Variants in ENOX2 observed in about 807,000 individuals in gnomAD.
ENOX2 encodes the protein ecto-NOX disulfide-thiol exchanger 2.
ENOX2 carries 36 observed loss-of-function variants against 45.0 expected under a neutral mutation model. That is an observed-to-expected ratio of 0.80 (90% confidence interval 0.61 to 1.06). The LOEUF (loss-of-function observed/expected upper bound fraction) is 1.06. Ranked by LOEUF, ENOX2 falls within the 50% of genes least tolerant of loss-of-function variation. The pLI is 0.00. For missense variants in ENOX2, 423 were observed against 462.5 expected (o/e 0.91, Z 0.78); for synonymous variants, 174 against 152.3 (o/e 1.14, Z -1.05).
At chrX:130,690,113 T>C (rs1202066391) in intron 4 of ENOX2, among the ~76,000 whole-genome samples, 1 of 111,113 alleles carries the variant, frequency 9.0e-6, no homozygotes, top group Non-Finnish European at 1.9e-5. Context: ...TACACATGTG[T>C]CCTGTTTAAG....
intron 2 of ENOX2, among the ~76,000 whole-genome samples, chrX:130,850,374 T>C (rs1205620249): frequency 8.9e-6 from 1 of 111,819 alleles, no homozygotes; most frequent in East Asian, 2.8e-4. Flanking sequence ...AATGAATTTA[T>C]GGATGGATGG....
Position 130,851,926 on chromosome X carries a change from CA to C in ENOX2, c.-183+49757del, listed in dbSNP as rs1326825043. On this transcript the variant is annotated intron_variant, in intron 2 of 14. Coordinates refer to ENST00000394363, the MANE Select transcript of ENOX2 (RefSeq NM_006375.4). ...TTTTAATGCACCTGGGGCAGCTGGCCAAACTGTCATTTGCTTCTATCATCTA... is the reference window on the plus strand; with the variant it reads ...TTTTAATGCACCTGGGGCAGCTGGCCAACTGTCATTTGCTTCTATCATCTA... Among the ~76,000 whole-genome samples the C allele has an allele frequency of 2.7e-5, 3 of 111,973 alleles. No individual in the cohort carries two copies. The Admixed American group carries it at 2.8e-4, about 11-fold the overall frequency.
At position 130,831,537 on chromosome X, in the gene ENOX2, C is replaced by G. The variant is rs146225139; in HGVS notation, c.-182-47847G>C. 8.9e-3 allele frequency among the ~76,000 whole-genome samples: 993 copies of G among 111,193 alleles called. 12 individuals carry two copies. Among genetic ancestry groups the G allele is most frequent in the African/African-American group, 0.031 (934 of 30,551 alleles). ...TCCCTGTGTTCCCGCAATACAACCA[C>G]TCATCTCTTGCCTCAGAGACCTGTG... On this transcript the variant is annotated intron_variant, in intron 2 of 14. Transcript: ENST00000394363.
chrX:130,753,366 TTGTC>T (rs1413090512), intron 3 of ENOX2, among the ~76,000 whole-genome samples: 2 of 111,197 alleles, frequency 1.8e-5, no homozygotes, highest in Non-Finnish European at 3.8e-5. Flanking sequence ...CTGCTTCTCT[TTGTC>T]TGTCCATCTC....
chrX:130,631,507 T>A lies in ENOX2; in HGVS notation c.1489A>T (p.Ser497Cys), dbSNP rs2035717588. ...TCACGTTCAGATTTGATAGGACTGC[T>A]GTTCATGGTCTTCTCAAGAGGGTAT... ...SEYPLEKTMN[S>C]SPIKSEREAL... The change falls in exon 13 of 15, where the codon AGC (serine) becomes TGC (cysteine). Residue 497 changes from serine (S) to cysteine (C), a missense_variant. Transcript: ENST00000394363. 1 of 1,204,904 alleles carries A rather than the reference T, an allele frequency of 8.3e-7. No individual in the cohort carries two copies. Among genetic ancestry groups the A allele is most frequent in the Non-Finnish European group, 1.1e-6 (1 of 889,171 alleles).
At chrX:130,779,375 G>A (rs2039924370) in intron 3 of ENOX2, among the ~76,000 whole-genome samples, 2 of 112,371 alleles carry the variant, frequency 1.8e-5, no homozygotes, top group South Asian at 7.3e-4. Flanking sequence ...TGGCAGTAAT[G>A]TCTAATCCTG....
At chrX:130,716,858 C>A (rs757578523) in intron 3 of ENOX2, among the ~76,000 whole-genome samples, 4 of 112,299 alleles carry the variant, frequency 3.6e-5, no homozygotes, top group South Asian at 3.7e-4. Flanking sequence ...TTCTTTTATC[C>A]ATTTCTGCTG....
intron 3 of ENOX2, among the ~76,000 whole-genome samples, chrX:130,734,797 A>G (rs1212442483): frequency 1.8e-5 from 2 of 112,266 alleles, no homozygotes; most frequent in Admixed American, 1.9e-4. Context: ...AGATACAATC[A>G]TCTTTCTTGC....
chrX:130,870,226 G>A (rs2078553011), intron 2 of ENOX2, among the ~76,000 whole-genome samples: 1 of 111,310 alleles, frequency 9.0e-6, no homozygotes, highest in Non-Finnish European at 1.9e-5. Flanking sequence ...AATTGGAACT[G>A]TCAAAATCAA....
chrX:130,746,304 T>A (rs1009745481), intron 3 of ENOX2, among the ~76,000 whole-genome samples: 10 of 112,109 alleles, frequency 8.9e-5, no homozygotes, highest in African/African-American at 3.2e-4. Context: ...TTCAGTCACG[T>A]CTGCTGTCTG....
chrX:130,878,837 T>C (rs2078753702), intron 2 of ENOX2, among the ~76,000 whole-genome samples: 1 of 112,550 alleles, frequency 8.9e-6, no homozygotes, highest in African/African-American at 3.2e-5. Flanking sequence ...CACTTGTAGA[T>C]GTATAAAAGC....
intron 2 of ENOX2, among the ~76,000 whole-genome samples, chrX:130,813,145 T>C (rs935512728): frequency 1.8e-5 from 2 of 112,073 alleles, no homozygotes; most frequent in African/African-American, 6.5e-5. Context: ...CCAAGCATTT[T>C]AGATAAGGGA....
At chrX:130,745,001 T>C (rs1378302800) in intron 3 of ENOX2, among the ~76,000 whole-genome samples, 1 of 111,552 alleles carries the variant, frequency 9.0e-6, no homozygotes, top group Non-Finnish European at 1.9e-5. Context: ...TGCCTGATGA[T>C]CTGAGGTGGA....
chrX:130,735,112 A>G (rs2038828450), intron 3 of ENOX2, among the ~76,000 whole-genome samples: 1 of 112,361 alleles, frequency 8.9e-6, no homozygotes, highest in Non-Finnish European at 1.9e-5. Flanking sequence ...AATGCTCCAG[A>G]GGCATGGAGG....
intron 2 of ENOX2, among the ~76,000 whole-genome samples, chrX:130,805,869 G>C (rs1376177771): frequency 8.9e-6 from 1 of 111,953 alleles, no homozygotes; most frequent in Non-Finnish European, 1.9e-5. Context: ...CAGCTGAAGA[G>C]GATGAGAGGA....
At chrX:130,704,992 T>C (rs993786549) in intron 3 of ENOX2, among the ~76,000 whole-genome samples, 2 of 112,586 alleles carry the variant, frequency 1.8e-5, no homozygotes, top group African/African-American at 6.4e-5. Flanking sequence ...AAATATGGGA[T>C]GCTGAATATC....
At chrX:130,665,067 T>G (rs2036795557) in intron 9 of ENOX2, among the ~76,000 whole-genome samples, 1 of 112,268 alleles carries the variant, frequency 8.9e-6, no homozygotes, top group Non-Finnish European at 1.9e-5. Flanking sequence ...AAGAGCAATC[T>G]AATCACATCA....
At chrX:130,651,292 A>C (rs2036392396) in intron 10 of ENOX2, among the ~76,000 whole-genome samples, 1 of 111,731 alleles carries the variant, frequency 9.0e-6, no homozygotes, top group African/African-American at 3.3e-5. Context: ...TACCCCTCTT[A>C]CATCTCTAAA....
Position 130,625,206 on chromosome X carries a change from C to A in ENOX2, c.*108G>T. On this transcript the variant is annotated 3_prime_UTR_variant, in exon 15 of 15. Transcript: ENST00000394363. The stretch of plus-strand genomic sequence containing the variant: ...AAAAGATTTTCCAGGAATGAACTGA[C>A]AAATTCAAAGGAACTTCCACTTGAA... 2 of 953,587 alleles carry A rather than the reference C, an allele frequency of 2.1e-6. No homozygotes were observed. The highest frequency in any genetic ancestry group is 5.0e-5 in the South Asian group (2 of 39,790). The allele number at this position is 953,587 out of a possible 1,213,427, so 78.6% of individuals were successfully genotyped here.
Sources: allele counts gnomAD v4.1 joint callset (sites outside exome capture counted in the v4.1 genomes callset), GRCh38; gene constraint gnomAD v4.1.1; transcripts MANE v1.5; gene names NCBI Gene and HGNC (gene_info 2026-07-23, HGNC 2026-07-21).